DLGAP1: variants seen among roughly 807,000 people sequenced by gnomAD.
The protein encoded by DLGAP1 is disks large-associated protein 1.
In DLGAP1, 11 loss-of-function variants were observed where a neutral mutation model predicts 90.8. The ratio of observed to expected loss-of-function variants is 0.12; its 90% CI spans 0.08 to 0.20. The LOEUF is 0.20. DLGAP1 is among the 10% of genes least tolerant of loss of function. The pLI is 1.00. For synonymous variants in DLGAP1, 558 were observed against 540.7 expected (o/e 1.03, Z -0.44); for missense variants, 1,050 against 1,333.8 (o/e 0.79, Z 3.31).
intron 9 of DLGAP1, among the ~76,000 whole-genome samples, chr18:3,558,424 G>C (rs2053883465): frequency 1.3e-5 from 2 of 151,984 alleles, no homozygotes; most frequent in Admixed American, 6.6e-5. Context: ...GTAGAGATGG[G>C]GTTTCACCAT....
Position 3,662,112 on chromosome 18 carries a change from T to G in DLGAP1, c.1591+67023A>C, listed in dbSNP as rs181578396. ...ATTTAAAAATTTAAAAAAAAAATTT[T>G]TTTTAAAGCTACACACAGTAAAAGG... On this transcript the variant is annotated intron_variant, in intron 7 of 12. Coordinates refer to ENST00000315677, the MANE Select transcript of DLGAP1 (RefSeq NM_004746.4). Among the ~76,000 whole-genome samples, 415 of 152,276 alleles carry G rather than the reference T, an allele frequency of 2.7e-3. 2 individuals carry two copies. The highest frequency in any genetic ancestry group is 9.1e-3 in the African/African-American group (380 of 41,540).
At chr18:3,785,815 T>C (rs953538736) in intron 5 of DLGAP1, among the ~76,000 whole-genome samples, 1 of 152,160 alleles carries the variant, frequency 6.6e-6, no homozygotes, top group Non-Finnish European at 1.5e-5. Context: ...CTTCGCCCTA[T>C]GCCTTAGGAG....
chr18:3,618,373 T>C (rs1407666709), intron 7 of DLGAP1, among the ~76,000 whole-genome samples: 2 of 152,244 alleles, frequency 1.3e-5, no homozygotes, highest in African/African-American at 4.8e-5. Context: ...AATGAAATCA[T>C]TTCTGTCAAA....
intron 4 of DLGAP1, among the ~76,000 whole-genome samples, chr18:3,840,348 C>T (rs544321391): frequency 1.3e-5 from 2 of 152,250 alleles, no homozygotes; most frequent in East Asian, 1.9e-4. Flanking sequence ...CAGAGCTGGG[C>T]GTCCTCTGGA....
chr18:3,742,196 G>T, intron 6 of DLGAP1, 139 bp downstream of exon 6: 1 of 1,090,058 alleles, frequency 9.2e-7, no homozygotes, highest in Non-Finnish European at 1.3e-6. Context: ...GCTCTTTGCA[G>T]CACTTGACTG....
intron 2 of DLGAP1, among the ~76,000 whole-genome samples, chr18:4,064,540 C>G (rs960129409): frequency 1.3e-5 from 2 of 148,156 alleles, no homozygotes; most frequent in Non-Finnish European, 3.0e-5. Flanking sequence ...GAAATAGAAA[C>G]AGCCATCAGA....
chr18:3,961,413 C>T (rs189498451), intron 3 of DLGAP1, among the ~76,000 whole-genome samples: 9 of 152,262 alleles, frequency 5.9e-5, no homozygotes, highest in Admixed American at 3.3e-4. Context: ...CCCTCCTCCC[C>T]GTCTTTCTTG....
At chr18:3,623,649 T>C (rs1444045256) in intron 7 of DLGAP1, among the ~76,000 whole-genome samples, 1 of 151,846 alleles carries the variant, frequency 6.6e-6, no homozygotes, top group Non-Finnish European at 1.5e-5. Context: ...TGGTGGCGCA[T>C]GCCTGTAATC....
intron 1 of DLGAP1, among the ~76,000 whole-genome samples, chr18:4,429,807 A>G (rs1044948191): frequency 6.6e-6 from 1 of 152,216 alleles, no homozygotes; most frequent in Admixed American, 6.5e-5. Flanking sequence ...AACCAAATAC[A>G]CAAAAATGAG....
chr18:4,038,971 A>T (rs2074932334), intron 2 of DLGAP1, among the ~76,000 whole-genome samples: 1 of 152,082 alleles, frequency 6.6e-6, no homozygotes, highest in Non-Finnish European at 1.5e-5. Flanking sequence ...CAAGGGTTGC[A>T]TTCCATCCCC....
At chr18:3,940,335 C>T (rs1568310689) in intron 3 of DLGAP1, among the ~76,000 whole-genome samples, 1 of 152,224 alleles carries the variant, frequency 6.6e-6, no homozygotes, top group Non-Finnish European at 1.5e-5. Flanking sequence ...CCCAAATAAA[C>T]TACTCCCGAA....
chr18:3,821,280 C>T, intron 4 of DLGAP1, among the ~76,000 whole-genome samples: 1 of 94,974 alleles, frequency 1.1e-5, no homozygotes, highest in Non-Finnish European at 1.9e-5. Flanking sequence ...CAGAGTGAGA[C>T]TCTGTGTCAA....
intron 5 of DLGAP1, among the ~76,000 whole-genome samples, chr18:3,760,769 C>T (rs1229737880): frequency 6.6e-6 from 1 of 152,154 alleles, no homozygotes; most frequent in Non-Finnish European, 1.5e-5. Context: ...TTTCCATTTG[C>T]GTAGGACCAA....
rs183973590 is a variant in DLGAP1 at position 4,420,503 on chromosome 18, T to C, written c.-267+34503A>G. 9.2e-5 allele frequency among the ~76,000 whole-genome samples: 14 copies of C among 152,330 alleles called. No homozygotes were observed. The East Asian group carries it at 2.7e-3, about 29-fold the overall frequency. On this transcript the variant is annotated intron_variant, in intron 1 of 12. Transcript: ENST00000315677. ...CTACTTTATCTTTCGTTTCTACTTA[T>C]AGTTCTCTCTCTCTTTCTCCTCACC...
intron 2 of DLGAP1, among the ~76,000 whole-genome samples, chr18:4,117,129 T>A (rs1342660781): frequency 6.6e-6 from 1 of 151,330 alleles, no homozygotes; most frequent in African/African-American, 2.5e-5. Context: ...GAAGACAGCA[T>A]GTGAAGACCA....
At chr18:3,688,643 ACACACACACACACACACACACAC>A (rs2060788051) in intron 7 of DLGAP1, among the ~76,000 whole-genome samples, 5 of 150,256 alleles carry the variant, frequency 3.3e-5, no homozygotes, top group Admixed American at 6.6e-5. Context: ...ACACACACAC[ACACACACACACACACACACACAC>A]ACCCTACCAA....
rs138540594 is a variant in DLGAP1 at position 3,650,304 on chromosome 18, A to G, written c.1592-68056T>C. Among the ~76,000 whole-genome samples the G allele has an allele frequency of 1.6e-4, 24 of 152,204 alleles. 1 individual carries two copies. The East Asian group carries it at 3.7e-3, about 23-fold the overall frequency. ...AGTGATGCTCCTGCTTCAGCCTCCC[A>G]AAGTGCTGGGATTACAGTTGTGAGT... On this transcript the variant is annotated intron_variant, in intron 7 of 12. Transcript: ENST00000315677.
At chr18:3,926,672 G>A (rs12185351) in intron 3 of DLGAP1, among the ~76,000 whole-genome samples, 104,106 of 151,714 alleles carry the variant, frequency 0.69, 35,752 homozygotes, top group African/African-American at 0.72. Context: ...ATATATATAC[G>A]GAGAGAGAGA....
intron 1 of DLGAP1, among the ~76,000 whole-genome samples, chr18:4,444,389 C>T (rs280979): frequency 0.94 from 142,726 of 152,280 alleles, 67,594 homozygotes; most frequent in East Asian, 1. Context: ...ATGATTTTGA[C>T]TTCCTTTGTA....
Sources: gnomAD v4.1 joint callset for allele counts (sites outside exome capture counted in the v4.1 genomes callset) on GRCh38, gnomAD v4.1.1 for gene constraint, MANE v1.5 for transcripts, NCBI Gene and HGNC (gene_info 2026-07-23, HGNC 2026-07-21) for gene names.